The following MCU variants were observed in gnomAD, a reference collection of about 807,000 sequenced individuals.
The protein encoded by MCU is mitochondrial calcium uniporter.
MCU carries 12 observed loss-of-function variants against 45.2 expected under a neutral mutation model. The ratio of observed to expected loss-of-function variants is 0.27; its 90% confidence interval spans 0.17 to 0.43. The LOEUF (loss-of-function observed/expected upper bound fraction) is 0.43, where lower values mean the gene tolerates loss of function less well. MCU is among the 20% of genes least tolerant of loss of function. The pLI, the probability that MCU is intolerant of heterozygous loss-of-function variation, is 1.00. For synonymous variants in MCU, 160 were observed against 165.1 expected (o/e 0.97, Z 0.24); for missense variants, 324 against 436.7 (o/e 0.74, Z 2.30).
At position 72,708,002 on chromosome 10, in the gene MCU, A is replaced by C. The variant is rs537893887; in HGVS notation, c.150+15701A>C. On this transcript the variant is annotated intron_variant, in intron 1 of 7. Transcript: ENST00000373053. ...AAAAAAACTTTTAAAATTATAAAACATGTTGTATTTTTATACAGTACTTTA... is the reference window on the plus strand; with the variant it reads ...AAAAAAACTTTTAAAATTATAAAACCTGTTGTATTTTTATACAGTACTTTA... Among the ~76,000 whole-genome samples, 4 of 152,138 alleles carry C rather than the reference A, an allele frequency of 2.6e-5. No individual in the cohort carries two copies. In the East Asian group the frequency reaches 7.7e-4, roughly 29 times the overall value.
At chr10:72,882,239 T>C (rs1265062834) in intron 6 of MCU, among the ~76,000 whole-genome samples, 1 of 152,154 alleles carries the variant, frequency 6.6e-6, no homozygotes. Flanking sequence ...GATAATTGCA[T>C]TAACTGCACA....
At chr10:72,768,985 A>G (rs1843767627) in intron 1 of MCU, among the ~76,000 whole-genome samples, 1 of 151,876 alleles carries the variant, frequency 6.6e-6, no homozygotes, top group South Asian at 2.1e-4. Flanking sequence ...CTGAGTAACT[A>G]GGACTACAGG....
At chr10:72,839,049 G>A (rs566173734) in intron 2 of MCU, among the ~76,000 whole-genome samples, 151 of 151,816 alleles carry the variant, frequency 9.9e-4, no homozygotes, top group Middle Eastern at 6.8e-3. Flanking sequence ...GAGTGCAGTG[G>A]TGCGGTCTTG....
chr10:72,849,275 CAAAAAAA>C (rs60515928), intron 2 of MCU, among the ~76,000 whole-genome samples: 1 of 109,736 alleles, frequency 9.1e-6, no homozygotes, highest in Non-Finnish European at 1.8e-5. Flanking sequence ...AGCAAGACTC[CAAAAAAA>C]AAAAAAAAAA....
chr10:72,804,017 A>AATAT lies in MCU; in HGVS notation c.151-30288_151-30285dup, dbSNP rs35518652. Among the ~76,000 whole-genome samples the AATAT allele has an allele frequency of 2.9e-3, 101 of 34,862 alleles. 1 individual carries two copies. Among genetic ancestry groups the AATAT allele is most frequent in the Non-Finnish European group, 4.0e-3 (60 of 15,108 alleles). The allele number at this position is 34,862 out of a possible 152,430, so 22.9% of individuals were successfully genotyped here. ...TCTCTTTGTTTTTGGAATGTAAGTA[A>AATAT]ATATATATATATATATATATATATA... is the stretch of plus-strand genomic sequence containing the variant. On this transcript the variant is annotated intron_variant, in intron 1 of 7. Coordinates refer to ENST00000373053, the MANE Select transcript of MCU (RefSeq NM_138357.3).
intron 1 of MCU, among the ~76,000 whole-genome samples, chr10:72,743,911 A>G (rs1056716194): frequency 6.6e-6 from 1 of 152,148 alleles, no homozygotes; most frequent in Admixed American, 6.5e-5. Flanking sequence ...ATACTGTTCT[A>G]TAGTATAACT....
chr10:72,746,510 A>G lies in MCU; in HGVS notation c.150+54209A>G, dbSNP rs114999543. ...TGATTAAGTTGAATGTTTGAATTGTATCTATTAGAACAGTATCCTAAGCAG... is the reference window on the plus strand; with the variant it reads ...TGATTAAGTTGAATGTTTGAATTGTGTCTATTAGAACAGTATCCTAAGCAG... On this transcript the variant is annotated intron_variant, in intron 1 of 7. Coordinates refer to ENST00000373053, the MANE Select transcript of MCU (RefSeq NM_138357.3). 1.6e-3 allele frequency among the ~76,000 whole-genome samples: 247 copies of G among 152,332 alleles called. 1 individual carries two copies. Among genetic ancestry groups the G allele is most frequent in the African/African-American group, 5.9e-3 (244 of 41,580 alleles).
intron 1 of MCU, among the ~76,000 whole-genome samples, chr10:72,704,522 T>A (rs1842795019): frequency 1.3e-5 from 2 of 152,118 alleles, no homozygotes; most frequent in South Asian, 4.2e-4. Context: ...TTGTGATTTT[T>A]TTTTTATTTT....
At chr10:72,792,288 C>A (rs1844173206) in intron 1 of MCU, among the ~76,000 whole-genome samples, 1 of 152,088 alleles carries the variant, frequency 6.6e-6, no homozygotes, top group South Asian at 2.1e-4. Context: ...GGAGGTTACA[C>A]AGTGTTTTTG....
At chr10:72,828,764 C>T (rs1020769700) in intron 1 of MCU, among the ~76,000 whole-genome samples, 1 of 152,040 alleles carries the variant, frequency 6.6e-6, no homozygotes, top group African/African-American at 2.4e-5. Context: ...TTTTTATTGG[C>T]TTAAATCTTA....
At position 72,780,511 on chromosome 10, in the gene MCU, AGT is replaced by A. The variant is rs60306247; in HGVS notation, c.151-53809_151-53808del. On this transcript the variant is annotated intron_variant, in intron 1 of 7. Transcript: ENST00000373053. The stretch of plus-strand genomic sequence containing the variant: ...AATGTTCTGAAGTATTCTTTGGCTA[AGT>A]GTGTGTGTGTGTGTGTGTGTGTGTG... Among the ~76,000 whole-genome samples, 209 of 110,658 alleles carry A rather than the reference AGT, an allele frequency of 1.9e-3. 2 individuals carry two copies. The highest frequency in any genetic ancestry group is 4.9e-3 in the Middle Eastern group (1 of 206). 72.6% of individuals were successfully genotyped at this position (110,658 alleles called of 152,430 possible).
At chr10:72,856,902 C>T (rs1392493434) in intron 2 of MCU, among the ~76,000 whole-genome samples, 5 of 144,884 alleles carry the variant, frequency 3.5e-5, no homozygotes, top group Non-Finnish European at 7.5e-5. Context: ...TGTGATCATG[C>T]CGCTGCACTC....
At chr10:72,719,016 G>A (rs149414436) in intron 1 of MCU, among the ~76,000 whole-genome samples, 3,567 of 152,196 alleles carry the variant, frequency 0.023, 59 homozygotes, top group Non-Finnish European at 0.037. Context: ...GGGGCTCCTG[G>A]GGTGCTAGTA....
chr10:72,739,982 T>C (rs1024572539), intron 1 of MCU, among the ~76,000 whole-genome samples: 3 of 151,616 alleles, frequency 2.0e-5, no homozygotes, highest in African/African-American at 4.8e-5. Flanking sequence ...AGCTGAAAAT[T>C]AAGATTTTTA....
intron 6 of MCU, among the ~76,000 whole-genome samples, chr10:72,873,046 T>C (rs1291886337): frequency 7.4e-6 from 1 of 135,724 alleles, no homozygotes; most frequent in Non-Finnish European, 1.5e-5. Flanking sequence ...TGAGATGGAG[T>C]CTCGCTCTAT....
intron 1 of MCU, among the ~76,000 whole-genome samples, chr10:72,774,796 CAAAG>C (rs926905136): frequency 3.3e-5 from 5 of 151,832 alleles, no homozygotes; most frequent in East Asian, 1.9e-4. Context: ...TAAAAAGAAA[CAAAG>C]AAGGGCACCA....
intron 1 of MCU, among the ~76,000 whole-genome samples, chr10:72,813,450 CTTTTTTTTT>C (rs71021537): frequency 3.3e-4 from 25 of 76,222 alleles, no homozygotes; most frequent in African/African-American, 1.2e-3. Context: ...CCAGCTCTCT[CTTTTTTTTT>C]TTTTTTTTTT....
At chr10:72,782,362 G>A (rs905320745) in intron 1 of MCU, among the ~76,000 whole-genome samples, 20 of 151,906 alleles carry the variant, frequency 1.3e-4, no homozygotes, top group East Asian at 7.7e-4. Context: ...CCTTAAAATC[G>A]TGTATCTGTT....
intron 1 of MCU, among the ~76,000 whole-genome samples, chr10:72,742,014 C>CT (rs2132698120): frequency 9.0e-6 from 1 of 110,948 alleles, no homozygotes; most frequent in African/African-American, 3.7e-5. Context: ...CAGAGCAAGA[C>CT]TCCGTCTCAA....
Sources: allele counts gnomAD v4.1 joint callset (sites outside exome capture counted in the v4.1 genomes callset), GRCh38; gene constraint gnomAD v4.1.1; transcripts MANE v1.5; gene names NCBI Gene and HGNC (gene_info 2026-07-23, HGNC 2026-07-21).